NKAIN2: variants seen among roughly 807,000 people sequenced by gnomAD.
NKAIN2 encodes the protein sodium/potassium-transporting ATPase subunit beta-1-interacting protein 2.
NKAIN2 carries 14 observed loss-of-function variants against 32.6 expected under a neutral mutation model. The ratio of observed to expected loss-of-function variants is 0.43; its 90% CI spans 0.28 to 0.67. The LOEUF is 0.67. NKAIN2 is among the 30% of genes least tolerant of loss of function. The pLI is 0.17. For missense variants in NKAIN2, 198 were observed against 258.3 expected (o/e 0.77, Z 1.60); for synonymous variants, 80 against 87.2 (o/e 0.92, Z 0.46).
intron 1 of NKAIN2, among the ~76,000 whole-genome samples, chr6:124,141,414 G>A (rs779132404): frequency 1.3e-5 from 2 of 152,058 alleles, no homozygotes; most frequent in East Asian, 1.9e-4. Context: ...GAAAATTCAA[G>A]TATAACAAAC....
chr6:124,177,777 T>TACCATGTGAAGA (rs1582797221), intron 1 of NKAIN2, among the ~76,000 whole-genome samples: 1 of 16,494 alleles, frequency 6.1e-5, no homozygotes, highest in African/African-American at 1.8e-4. Flanking sequence ...TCATCCATTT[T>TACCATGTGAAGA]TTTTTTTTTT....
chr6:124,802,381 T>C (rs1012475548), intron 5 of NKAIN2, among the ~76,000 whole-genome samples: 9 of 152,122 alleles, frequency 5.9e-5, no homozygotes, highest in African/African-American at 2.2e-4. Flanking sequence ...GAAAGACATG[T>C]CATATATAAT....
At chr6:124,086,666 A>G (rs1253834265) in intron 1 of NKAIN2, among the ~76,000 whole-genome samples, 1 of 151,942 alleles carries the variant, frequency 6.6e-6, no homozygotes, top group Non-Finnish European at 1.5e-5. Context: ...ACTGTGAACA[A>G]TTCTCTACTC....
intron 4 of NKAIN2, among the ~76,000 whole-genome samples, chr6:124,679,044 CCTAG>C (rs1312352969): frequency 3.9e-5 from 6 of 151,928 alleles, no homozygotes; most frequent in Non-Finnish European, 7.4e-5. Context: ...TCATCAGATG[CCTAG>C]CTGTTTTATT....
intron 3 of NKAIN2, among the ~76,000 whole-genome samples, chr6:124,451,288 C>T (rs1231851369): frequency 1.3e-5 from 2 of 152,086 alleles, no homozygotes; most frequent in African/African-American, 2.4e-5. Flanking sequence ...TAAAACACAA[C>T]ATTATGATGT....
At chr6:124,514,782 G>C (rs1046283659) in intron 3 of NKAIN2, among the ~76,000 whole-genome samples, 2 of 136,656 alleles carry the variant, frequency 1.5e-5, no homozygotes, top group African/African-American at 6.3e-5. Flanking sequence ...AAAAAAAAAA[G>C]CTCATGCCTG....
chr6:124,520,149 G>A (rs553770714), intron 3 of NKAIN2, among the ~76,000 whole-genome samples: 1 of 152,032 alleles, frequency 6.6e-6, no homozygotes, highest in East Asian at 1.9e-4. Context: ...ATACGAAAAG[G>A]AATCTTCCCT....
intron 3 of NKAIN2, among the ~76,000 whole-genome samples, chr6:124,416,861 A>G (rs1348976563): frequency 6.6e-6 from 1 of 152,030 alleles, no homozygotes; most frequent in East Asian, 1.9e-4. Flanking sequence ...CATCAGTTAT[A>G]AGGAACCCTC....
intron 3 of NKAIN2, among the ~76,000 whole-genome samples, chr6:124,628,331 T>C (rs1373597506): frequency 6.6e-6 from 1 of 152,188 alleles, no homozygotes; most frequent in Non-Finnish European, 1.5e-5. Flanking sequence ...TAATTACTTA[T>C]GTTGTTTGAC....
At chr6:124,463,501 G>C (rs932767222) in intron 3 of NKAIN2, among the ~76,000 whole-genome samples, 3 of 151,872 alleles carry the variant, frequency 2.0e-5, no homozygotes, top group South Asian at 2.1e-4. Flanking sequence ...CATAACACCT[G>C]TTCCAGCCAC....
intron 1 of NKAIN2, among the ~76,000 whole-genome samples, chr6:124,027,811 T>C (rs55688018): frequency 0.056 from 8,501 of 152,224 alleles, 807 homozygotes; most frequent in African/African-American, 0.19. Flanking sequence ...TCTCCTACTT[T>C]CTCATTCTAC....
At chr6:124,494,124 A>G (rs1032657780) in intron 3 of NKAIN2, among the ~76,000 whole-genome samples, 1 of 151,968 alleles carries the variant, frequency 6.6e-6, no homozygotes, top group African/African-American at 2.4e-5. Flanking sequence ...CGCTACCTCT[A>G]TTGTAATGCA....
intron 4 of NKAIN2, among the ~76,000 whole-genome samples, chr6:124,678,059 A>T (rs1198881663): frequency 1.3e-5 from 2 of 151,956 alleles, no homozygotes; most frequent in Admixed American, 6.6e-5. Context: ...GAGTTGCAAG[A>T]TATTTTTTAG....
intron 2 of NKAIN2, among the ~76,000 whole-genome samples, chr6:124,351,814 G>A (rs1338745438): frequency 6.6e-6 from 1 of 152,008 alleles, no homozygotes; most frequent in African/African-American, 2.4e-5. Flanking sequence ...TAGAGATGGG[G>A]TTTTGCCACG....
intron 3 of NKAIN2, among the ~76,000 whole-genome samples, chr6:124,470,656 A>C (rs1041511146): frequency 5.9e-5 from 9 of 152,172 alleles, no homozygotes; most frequent in Admixed American, 6.5e-5. Flanking sequence ...TAGGGGAATT[A>C]GGGAGATTTG....
chr6:124,432,168 T>G (rs1775246027), intron 3 of NKAIN2, among the ~76,000 whole-genome samples: 1 of 152,186 alleles, frequency 6.6e-6, no homozygotes, highest in South Asian at 2.1e-4. Flanking sequence ...GAATCAACCA[T>G]GCAATGGTCA....
intron 3 of NKAIN2, among the ~76,000 whole-genome samples, chr6:124,607,920 G>A (rs907965520): frequency 1.3e-5 from 2 of 152,088 alleles, no homozygotes; most frequent in Non-Finnish European, 2.9e-5. Flanking sequence ...TTGCCCAACT[G>A]TAGGTGAATG....
intron 4 of NKAIN2, among the ~76,000 whole-genome samples, chr6:124,752,022 C>A (rs747898404): frequency 6.6e-6 from 1 of 151,870 alleles, no homozygotes; most frequent in Admixed American, 6.6e-5. Context: ...AGATCTCAAT[C>A]TGGTTTCATA....
At chr6:124,719,476 C>T (rs1256133099) in intron 4 of NKAIN2, among the ~76,000 whole-genome samples, 1 of 152,180 alleles carries the variant, frequency 6.6e-6, no homozygotes, top group Non-Finnish European at 1.5e-5. Context: ...TTAGCAAATT[C>T]TCTACCTTTA....
Sources: gnomAD v4.1 joint callset for allele counts (sites outside exome capture counted in the v4.1 genomes callset) on GRCh38, gnomAD v4.1.1 for gene constraint, MANE v1.5 for transcripts, NCBI Gene and HGNC (gene_info 2026-07-23, HGNC 2026-07-21) for gene names.